The following C1orf54 variants were observed in gnomAD, a reference collection of about 807,000 sequenced individuals.
C1orf54 encodes the protein chromosome 1 open reading frame 54, also known as uncharacterized protein C1orf54.
A neutral mutation model predicts 14.7 loss-of-function variants in C1orf54; 12 were observed. The observed-to-expected ratio is 0.82, with a 90% CI of 0.52 to 1.32. The LOEUF (loss-of-function observed/expected upper bound fraction) is 1.32. Ranked by LOEUF, C1orf54 falls within the 40% of genes most tolerant of loss-of-function variation. C1orf54 has a pLI of 0.00. For synonymous variants in C1orf54, 65 were observed against 56.3 expected (o/e 1.16, Z -0.70); for missense variants, 163 against 162.2 (o/e 1.00, Z -0.03).
intron 2 of C1orf54, 93 bp downstream of exon 2, chr1:150,274,263 C>A: frequency 2.1e-6 from 2 of 955,036 alleles, no homozygotes; most frequent in East Asian, 2.5e-5. Flanking sequence ...TGAAGCAGAG[C>A]AATGGGGTCA....
intron 4 of C1orf54, among the ~76,000 whole-genome samples, chr1:150,278,076 A>G (rs1021800391): frequency 2.8e-5 from 4 of 144,884 alleles, no homozygotes; most frequent in Non-Finnish European, 6.0e-5. Context: ...CAGCCTGGGA[A>G]ACAAGAGTGA....
chr1:150,278,171 A>G (rs138857098), intron 4 of C1orf54, among the ~76,000 whole-genome samples: 20 of 152,368 alleles, frequency 1.3e-4, no homozygotes, highest in African/African-American at 4.8e-4. Context: ...GCAACTCATG[A>G]GATTTGCGTT....
intron 4 of C1orf54, 142 bp from the exon 5 acceptor site, chr1:150,279,501 G>A (rs1652927700): frequency 2.6e-6 from 2 of 777,866 alleles, no homozygotes; most frequent in Non-Finnish European, 4.2e-6. Context: ...CAGTGATGGG[G>A]AAGGATGGAT....
chr1:150,273,954 A>G (rs1572101200), intron 1 of C1orf54, 133 bp from the exon 2 acceptor site: 3 of 662,268 alleles, frequency 4.5e-6, no homozygotes, highest in East Asian at 5.2e-5. Flanking sequence ...GAGTATGACT[A>G]TTGGAGGAGA....
intron 4 of C1orf54, among the ~76,000 whole-genome samples, chr1:150,277,528 G>C (rs199638797): frequency 1.1e-4 from 6 of 52,926 alleles, no homozygotes; most frequent in Admixed American, 3.5e-4. Flanking sequence ...AAAAAAAAAA[G>C]AGTGAAAGAG....
intron 3 of C1orf54, among the ~76,000 whole-genome samples, chr1:150,276,139 C>A (rs1270184920): frequency 9.8e-3 from 61 of 6,210 alleles, no homozygotes; most frequent in Middle Eastern, 0.042. Context: ...ACTTCATCTA[C>A]AAAAAAAAAA....
rs1553851897 is a variant in C1orf54, at chr1:150,274,115, G to A, written c.75G>A (p.Leu25=). ...AAGAATATGAGGATGAAGAAAGACT[G>A]GGAGAGGATGAATATTATCAGGTGG... ...LGQEYEDEER[L]GEDEYYQVVY... is the part of the protein sequence containing the mutation. Residue 25 remains leucine, a synonymous_variant, in exon 2 of 6, where the codon CTG becomes CTA. Transcript: ENST00000369099. 1 of 1,612,370 alleles carries A rather than the reference G, an allele frequency of 6.2e-7. No individual in the cohort carries two copies. Among genetic ancestry groups the A allele is most frequent in the South Asian group, 1.1e-5 (1 of 91,028 alleles).
chr1:150,280,307 T>A (rs587744718), intron 5 of C1orf54, among the ~76,000 whole-genome samples: 1 of 152,376 alleles, frequency 6.6e-6, no homozygotes, highest in Non-Finnish European at 1.5e-5. Context: ...TAGGAGATGC[T>A]GAGGCAGACT....
upstream of C1orf54, chr1:150,269,061 C>T (rs1652020800): frequency 4.5e-6 from 2 of 445,380 alleles, no homozygotes; most frequent in Non-Finnish European, 8.4e-6. Context: ...CCCATCTAAT[C>T]CCCACCCCCG....
chr1:150,272,949 G>C, intron 1 of C1orf54, 86 bp downstream of exon 1: 3 of 1,444,022 alleles, frequency 2.1e-6, no homozygotes, highest in Non-Finnish European at 2.9e-6. Context: ...GTGGGTGAGA[G>C]GTACATTTCA....
chr1:150,269,797 A>C (rs1339868277), upstream of C1orf54, among the ~76,000 whole-genome samples: 4 of 152,160 alleles, frequency 2.6e-5, no homozygotes, highest in African/African-American at 9.7e-5. Flanking sequence ...GCGGTGGCTC[A>C]CCCCTGTAAT....
chr1:150,271,461 G>A (rs976896869), upstream of C1orf54, among the ~76,000 whole-genome samples: 6 of 152,234 alleles, frequency 3.9e-5, no homozygotes, highest in African/African-American at 1.2e-4. Context: ...ACAGGAGGCT[G>A]TAAACCTATC....
intron 4 of C1orf54, 23 bp downstream of exon 4, chr1:150,276,655 GC>G (rs1560044149): frequency 6.3e-7 from 1 of 1,580,052 alleles, no homozygotes; most frequent in South Asian, 1.1e-5. Flanking sequence ...GGGATTGGGG[GC>G]TGGGGGGAGA....
At position 150,274,577 on chromosome 1, in the gene C1orf54, G is replaced by T. The variant is rs1652480281; in HGVS notation, c.130+407G>T. ...ATCGTGCCACTGCACTCCAGCCTGG[G>T]TGACAGAGCAAGACTCCATCTCAAA... On this transcript the variant is annotated intron_variant, in intron 2 of 5. Transcript: ENST00000369099. Among the ~76,000 whole-genome samples, 3 of 144,126 alleles carry T rather than the reference G, an allele frequency of 2.1e-5. No individual in the cohort carries two copies. The South Asian group carries it at 6.8e-4, about 33-fold the overall frequency. 94.6% of individuals were successfully genotyped at this position (144,126 alleles called of 152,430 possible). A position where few individuals can be genotyped will look rare whatever the true frequency, so the allele number is the denominator to read the frequency against.
At chr1:150,272,022 C>T (rs1351056422), upstream of C1orf54, among the ~76,000 whole-genome samples, 1 of 152,122 alleles carries the variant, frequency 6.6e-6, no homozygotes, top group African/African-American at 2.4e-5. Context: ...CGCCTGTAGT[C>T]CCAGCTACCA....
intron 2 of C1orf54, among the ~76,000 whole-genome samples, chr1:150,274,997 G>T (rs1424342925): frequency 6.6e-6 from 1 of 151,092 alleles, no homozygotes; most frequent in Non-Finnish European, 1.5e-5. Flanking sequence ...AGGAGTTCAA[G>T]ACCACCCTGG....
intron 4 of C1orf54, 148 bp downstream of exon 4, chr1:150,276,780 G>T (rs1652696442): frequency 7.6e-6 from 5 of 656,866 alleles, no homozygotes; most frequent in South Asian, 7.1e-5. Context: ...ACTTGGCCAT[G>T]TTTCACTAAG....
chr1:150,280,154 T>C (rs587747330), intron 5 of C1orf54, among the ~76,000 whole-genome samples: 27 of 152,278 alleles, frequency 1.8e-4, no homozygotes, highest in African/African-American at 6.3e-4. Context: ...AGCCCAAGAA[T>C]TGGAGGCTGC....
upstream of C1orf54, among the ~76,000 whole-genome samples, chr1:150,270,723 G>A (rs1233075458): frequency 6.6e-6 from 1 of 150,712 alleles, no homozygotes; most frequent in Admixed American, 6.6e-5. Context: ...GTAGCTGGGC[G>A]CAGTGGCTCA....
Sources: allele counts gnomAD v4.1 joint callset (sites outside exome capture counted in the v4.1 genomes callset), GRCh38; gene constraint gnomAD v4.1.1; transcripts MANE v1.5; gene names NCBI Gene and HGNC (gene_info 2026-07-23, HGNC 2026-07-21).